Variants in TCFL5 observed in about 807,000 individuals in gnomAD.
The protein encoded by TCFL5 is transcription factor like 5.
In TCFL5, 9 loss-of-function variants were observed where a neutral mutation model predicts 44.3. The ratio of observed to expected loss-of-function variants is 0.20; its 90% CI spans 0.12 to 0.35. The LOEUF (loss-of-function observed/expected upper bound fraction) is 0.35, where lower values mean the gene tolerates loss of function less well. Among genes scored for constraint, TCFL5 ranks in the 10% least tolerant of loss-of-function variants. The pLI is 1.00. For synonymous variants in TCFL5, 319 were observed against 271.6 expected (o/e 1.17, Z -1.72); for missense variants, 603 against 613.4 (o/e 0.98, Z 0.18).
intron 4 of TCFL5, among the ~76,000 whole-genome samples, chr20:62,856,945 T>C (rs1197470526): frequency 3.3e-5 from 5 of 152,166 alleles, no homozygotes; most frequent in South Asian, 2.1e-4. Context: ...TGGACTGTGG[T>C]TGCATGCATG....
At position 62,859,530 on chromosome 20, in the gene TCFL5, GA is replaced by G; in HGVS notation, c.832-5del. On this transcript the variant is annotated splice_polypyrimidine_tract_variant and splice_region_variant and intron_variant, in intron 2 of 5. Transcript: ENST00000335351. ...CAGAACATGAGTTACTAGAACTCTG[GA>G]AAAAAATGAAGCAACAGGAATTTTA... is the stretch of plus-strand genomic sequence containing the variant. 1.1e-5 allele frequency: 17 copies of G among 1,600,242 alleles called. No homozygotes were observed. The highest frequency in any genetic ancestry group is 4.5e-5 in the East Asian group (2 of 44,718).
Position 62,845,747 on chromosome 20 carries a change from C to T in TCFL5, c.1381-3650G>A, listed in dbSNP as rs114033412. The T allele has an allele frequency of 4.1e-4, 659 of 1,606,214 alleles. 7 individuals carry two copies. The African/African-American group carries it at 7.0e-3, about 17-fold the overall frequency. ...AGACATATTTCTGTCCCTGCCCATG[C>T]GGAGATAACTTCTCCATCACCAAGG... On this transcript the variant is annotated intron_variant, in intron 5 of 5. Coordinates refer to ENST00000335351, the MANE Select transcript of TCFL5 (RefSeq NM_006602.4).
Position 62,861,323 on chromosome 20 carries a change from G to A in TCFL5, c.348C>T (p.Ala116=), listed in dbSNP as rs757973075. 9 of 1,148,294 alleles carry A rather than the reference G, an allele frequency of 7.8e-6. No individual in the cohort carries two copies. The highest frequency in any genetic ancestry group is 8.7e-6 in the Non-Finnish European group (8 of 923,458). 71.1% of individuals were successfully genotyped at this position (1,148,294 alleles called of 1,614,324 possible). The change falls in exon 1 of 6, where the codon GCC becomes GCT. Residue 116 remains alanine, a synonymous_variant. Coordinates refer to ENST00000335351, the MANE Select transcript of TCFL5 (RefSeq NM_006602.4). This position sits in a 1 kb window ranked among gnomAD's most constrained non-coding sequence, Gnocchi z 4.0. ...YPVLCPSALA[A]DAPCLGHIDF... ...CGATGTGGCCCAGGCAGGGCGCGTC[G>A]GCCGCCAGCGCGGACGGGCACAGCA...
At chr20:62,846,832 G>A (rs1457840613) in intron 5 of TCFL5, among the ~76,000 whole-genome samples, 1 of 151,398 alleles carries the variant, frequency 6.6e-6, no homozygotes, top group African/African-American at 2.4e-5. Flanking sequence ...AATTTTCTTA[G>A]TAAGAAAAAA....
At chr20:62,852,278 A>C (rs2063819648) in intron 5 of TCFL5, 14 of 985,352 alleles carry the variant, frequency 1.4e-5, no homozygotes, top group African/African-American at 1.7e-5. Context: ...AGGGCCAAAG[A>C]GCCACTGACC....
intron 5 of TCFL5, chr20:62,853,024 G>A (rs1158617106): frequency 1.1e-4 from 136 of 1,250,672 alleles, no homozygotes; most frequent in African/African-American, 3.5e-4. Flanking sequence ...ATAGTCACCC[G>A]GTCCACAGAA....
intron 5 of TCFL5, among the ~76,000 whole-genome samples, chr20:62,847,405 G>C (rs1332548525): frequency 6.6e-6 from 1 of 152,080 alleles, no homozygotes; most frequent in Non-Finnish European, 1.5e-5. Context: ...ATAAAGATAA[G>C]AGCAAATTAT....
chr20:62,859,404 TCTA>T lies in TCFL5; in HGVS notation c.951_953del (p.Ser317del). 5 of 1,611,072 alleles carry T rather than the reference TCTA, an allele frequency of 3.1e-6. No homozygotes were observed. The highest frequency in any genetic ancestry group is 4.2e-6 in the Non-Finnish European group (5 of 1,177,760). ...AAACTTGCTCAGGCAAAACTTTGTT[TCTA>T]CTACCTAACGTCTGTTTAGTGGATT... On this transcript the variant is annotated inframe_deletion, in exon 3 of 6. Coordinates refer to ENST00000335351, the MANE Select transcript of TCFL5 (RefSeq NM_006602.4).
intron 4 of TCFL5, among the ~76,000 whole-genome samples, chr20:62,855,532 C>T (rs1235549330): frequency 1.3e-5 from 2 of 152,152 alleles, no homozygotes; most frequent in African/African-American, 4.8e-5. Context: ...TTTGGGAGGC[C>T]GAGGCACGTG....
intron 4 of TCFL5, among the ~76,000 whole-genome samples, chr20:62,856,705 CAAAAAAAAAAAAA>C (rs11470406): frequency 2.6e-3 from 257 of 100,278 alleles, no homozygotes; most frequent in Admixed American, 3.5e-3. Flanking sequence ...GACTCCGTCT[CAAAAAAAAAAAAA>C]AAAAAAAAGA....
At chr20:62,848,273 T>C (rs1193618026) in intron 5 of TCFL5, among the ~76,000 whole-genome samples, 1 of 152,164 alleles carries the variant, frequency 6.6e-6, no homozygotes, top group African/African-American at 2.4e-5. Flanking sequence ...GCTGGCACCT[T>C]CAGGGCCCCC....
chr20:62,852,372 GA>G, intron 5 of TCFL5: 1 of 982,180 alleles, frequency 1.0e-6, no homozygotes, highest in African/African-American at 1.7e-5. Context: ...CGGGTCCCCT[GA>G]AGGCAGGGCC....
At position 62,860,289 on chromosome 20, in the gene TCFL5, G is replaced by A. The variant is rs2063973839; in HGVS notation, c.667C>T (p.His223Tyr). The stretch of plus-strand genomic sequence containing the variant: ...GGAACATTCATTAGTTCAGATGGAT[G>A]TCGAATGAGAGTTACCAAACTGCCA... ...ALNNLVTLIR[H>Y]PSELMNVPLQ... Residue 223 changes from histidine (H) to tyrosine (Y), a missense_variant, in exon 2 of 6, where the codon CAT becomes TAT. Physicochemically the swap from His to Tyr is moderately conservative, Grantham distance 83 (BLOSUM62 2). Coordinates refer to ENST00000335351, the MANE Select transcript of TCFL5 (RefSeq NM_006602.4). 1 of 1,609,632 alleles carries A rather than the reference G, an allele frequency of 6.2e-7. No homozygotes were observed. Among genetic ancestry groups the A allele is most frequent in the East Asian group, 2.2e-5 (1 of 44,752 alleles).
At position 62,853,944 on chromosome 20, in the gene TCFL5, C is replaced by T. The variant is rs2063850419; in HGVS notation, c.1380+72G>A. The T allele has an allele frequency of 1.0e-5, 16 of 1,541,860 alleles. No homozygotes were observed. The South Asian group carries it at 1.6e-4, about 15-fold the overall frequency. On this transcript the variant is annotated intron_variant, in intron 5 of 5. Coordinates refer to ENST00000335351, the MANE Select transcript of TCFL5 (RefSeq NM_006602.4). ...GAAACAAAGGATAGTTTGAGTTATC[C>T]TTAGGAAAAAGGAGGGACATTGTTA... is the stretch of plus-strand genomic sequence containing the variant.
chr20:62,853,915 C>A, intron 5 of TCFL5, 101 bp downstream of exon 5: 1 of 1,300,386 alleles, frequency 7.7e-7, no homozygotes, highest in East Asian at 2.3e-5. Context: ...ATGTTAGATT[C>A]CAGGAAACAA....
intron 3 of TCFL5, 146 bp from the exon 4 acceptor site, chr20:62,857,784 G>T (rs1025743317): frequency 1.0e-6 from 1 of 999,044 alleles, no homozygotes; most frequent in Non-Finnish European, 1.4e-6. Context: ...ATGTACTAAT[G>T]CAGTTTTTCA....
chr20:62,851,458 TAATA>T (rs1568782521), intron 5 of TCFL5: 5 of 882,494 alleles, frequency 5.7e-6, no homozygotes, highest in African/African-American at 5.5e-5. Context: ...AATGATTTAC[TAATA>T]GATACACAAA....
At position 62,841,810 on chromosome 20, in the gene TCFL5, AT is replaced by A; in HGVS notation, c.*164del. Reference sequence around the variant, plus strand: ...TGGATAAGCATTTGCGTCTAGATAAATATTTTTACAAAATGTGCTCTCAAAG... The same window carrying A: ...TGGATAAGCATTTGCGTCTAGATAAAATTTTTACAAAATGTGCTCTCAAAG... On this transcript the variant is annotated 3_prime_UTR_variant, in exon 6 of 6. Transcript: ENST00000335351. 1 of 803,398 alleles carries A rather than the reference AT, an allele frequency of 1.2e-6. No homozygotes were observed. The highest frequency in any genetic ancestry group is 1.8e-6 in the Non-Finnish European group (1 of 551,662). 49.8% of individuals were successfully genotyped at this position (803,398 alleles called of 1,614,324 possible).
chr20:62,860,444 T>C (rs2063977327), intron 1 of TCFL5, 136 bp from the exon 2 acceptor site: 3 of 749,008 alleles, frequency 4.0e-6, no homozygotes, highest in Non-Finnish European at 6.4e-6. Context: ...ACACAACAAT[T>C]AGCAACTATC....
Sources: allele counts gnomAD v4.1 joint callset (sites outside exome capture counted in the v4.1 genomes callset), GRCh38; gene constraint gnomAD v4.1.1; non-coding constraint Gnocchi (gnomAD v3.1); transcripts MANE v1.5; gene names NCBI Gene and HGNC (gene_info 2026-07-23, HGNC 2026-07-21).